The following SUPT3H variants were observed in gnomAD, a reference collection of about 807,000 sequenced individuals.
SUPT3H encodes the protein transcription initiation protein SPT3 homolog.
In SUPT3H, 44 loss-of-function variants were observed where a neutral mutation model predicts 44.3. The ratio of observed to expected loss-of-function variants is 0.99; its 90% confidence interval spans 0.78 to 1.28. SUPT3H has a LOEUF of 1.28. Ranked by LOEUF, SUPT3H falls within the 50% of genes most tolerant of loss-of-function variation. The pLI is 0.00. For missense variants in SUPT3H, 380 were observed against 387.1 expected (o/e 0.98, Z 0.15); for synonymous variants, 124 against 125.6 (o/e 0.99, Z 0.09).
intron 2 of SUPT3H, among the ~76,000 whole-genome samples, chr6:45,230,200 T>C (rs938822215): frequency 2.6e-5 from 4 of 152,228 alleles, no homozygotes; most frequent in Non-Finnish European, 5.9e-5. Context: ...CACAGGATTC[T>C]GCAGTTAGTG....
intron 2 of SUPT3H, among the ~76,000 whole-genome samples, chr6:45,119,365 T>C (rs1197182877): frequency 6.6e-6 from 1 of 152,154 alleles, no homozygotes; most frequent in Non-Finnish European, 1.5e-5. Flanking sequence ...AAGATGCCAG[T>C]TGTATGTGGG....
chr6:45,045,990 C>T (rs1454394622), intron 3 of SUPT3H, among the ~76,000 whole-genome samples: 2 of 152,092 alleles, frequency 1.3e-5, no homozygotes, highest in Non-Finnish European at 2.9e-5. Flanking sequence ...GTCTGTCTAA[C>T]TGAGGTCATG....
intron 2 of SUPT3H, among the ~76,000 whole-genome samples, chr6:45,255,149 G>A (rs1393085509): frequency 1.3e-5 from 2 of 151,994 alleles, no homozygotes; most frequent in Non-Finnish European, 2.9e-5. Flanking sequence ...CTTTATCAAA[G>A]GTATATCTGT....
At chr6:44,920,261 C>T (rs922159695) in intron 10 of SUPT3H, among the ~76,000 whole-genome samples, 1 of 151,706 alleles carries the variant, frequency 6.6e-6, no homozygotes, top group Admixed American at 6.6e-5. Context: ...TCCTTAATGA[C>T]TATGTCTGTT....
chr6:45,185,039 A>C (rs2153615273), intron 2 of SUPT3H, among the ~76,000 whole-genome samples: 1 of 152,272 alleles, frequency 6.6e-6, no homozygotes, highest in East Asian at 1.9e-4. Flanking sequence ...TTGGCAGGCT[A>C]ATTTTCCATC....
chr6:45,140,825 T>G (rs766902343), intron 2 of SUPT3H, among the ~76,000 whole-genome samples: 3 of 152,064 alleles, frequency 2.0e-5, no homozygotes, highest in Non-Finnish European at 4.4e-5. Context: ...AGTCTGACTC[T>G]CAGGAAGCCC....
intron 10 of SUPT3H, among the ~76,000 whole-genome samples, chr6:44,905,880 T>C (rs1315040590): frequency 6.6e-6 from 1 of 152,146 alleles, no homozygotes; most frequent in Non-Finnish European, 1.5e-5. Flanking sequence ...TGTAGGGACA[T>C]GGATGAAGCT....
chr6:45,334,769 T>A (rs1394000022), intron 2 of SUPT3H, among the ~76,000 whole-genome samples: 2 of 147,222 alleles, frequency 1.4e-5, no homozygotes, highest in East Asian at 1.9e-4. Flanking sequence ...AGGAAAAAAA[T>A]TGTAAATTAT....
intron 3 of SUPT3H, among the ~76,000 whole-genome samples, chr6:45,093,041 C>A: frequency 6.6e-6 from 1 of 152,052 alleles, no homozygotes; most frequent in South Asian, 2.1e-4. Flanking sequence ...TAAAATAACA[C>A]CCCTAATAAA....
intron 2 of SUPT3H, among the ~76,000 whole-genome samples, chr6:45,193,209 CA>C (rs1815431138): frequency 2.0e-5 from 3 of 151,598 alleles, no homozygotes; most frequent in Non-Finnish European, 4.4e-5. Context: ...ACATGTACAC[CA>C]AAAAAACCCC....
At chr6:45,118,728 C>G (rs1801185308) in intron 2 of SUPT3H, among the ~76,000 whole-genome samples, 1 of 152,146 alleles carries the variant, frequency 6.6e-6, no homozygotes, top group South Asian at 2.1e-4. Flanking sequence ...ATTTGCTGCT[C>G]TAAGGCATAT....
intron 11 of SUPT3H, among the ~76,000 whole-genome samples, chr6:44,817,246 A>C (rs1164214118): frequency 6.6e-6 from 1 of 151,974 alleles, no homozygotes; most frequent in African/African-American, 2.4e-5. Flanking sequence ...AAAAAAAAAA[A>C]CTCATTGTCT....
At position 45,087,130 on chromosome 6, in the gene SUPT3H, T is replaced by G. The variant is rs145782572; in HGVS notation, c.186+18792A>C. The stretch of plus-strand genomic sequence containing the variant: ...CATAAAGCATAGCAAATTTTTACTT[T>G]TAAGAATATATATTTTGAAGAAAAT... On this transcript the variant is annotated intron_variant, in intron 3 of 10. Coordinates refer to ENST00000371459, the MANE Select transcript of SUPT3H (RefSeq NM_003599.4). Among the ~76,000 whole-genome samples the G allele has an allele frequency of 2.1e-3, 325 of 152,116 alleles. 1 individual carries two copies. The highest frequency in any genetic ancestry group is 7.5e-3 in the African/African-American group (311 of 41,584).
chr6:45,075,346 G>A, intron 3 of SUPT3H, among the ~76,000 whole-genome samples: 1 of 151,988 alleles, frequency 6.6e-6, no homozygotes, highest in East Asian at 1.9e-4. Context: ...ACACTATATT[G>A]AATCACCAGA....
rs531224583 is a variant in SUPT3H, at chr6:45,179,622, A to C, written c.102-73616T>G. Reference sequence around the variant, plus strand: ...CCAGCATATCAACGGAACCAAAGACAAAAACCACATGATTATCTCAATAGA... The same window carrying C: ...CCAGCATATCAACGGAACCAAAGACCAAAACCACATGATTATCTCAATAGA... On this transcript the variant is annotated intron_variant, in intron 2 of 10. Transcript: ENST00000371459. Among the ~76,000 whole-genome samples, 211 of 152,336 alleles carry C rather than the reference A, an allele frequency of 1.4e-3. 3 individuals are homozygous for C. Among genetic ancestry groups the C allele is most frequent in the African/African-American group, 4.9e-3 (205 of 41,576 alleles).
chr6:45,009,470 A>C (rs1310963553), intron 5 of SUPT3H, among the ~76,000 whole-genome samples: 1 of 152,148 alleles, frequency 6.6e-6, no homozygotes, highest in Non-Finnish European at 1.5e-5. Context: ...TCTATGATCC[A>C]TATTGGGTTA....
chr6:45,158,275 C>CATAT (rs70996305), intron 2 of SUPT3H, among the ~76,000 whole-genome samples: 25 of 62,166 alleles, frequency 4.0e-4, no homozygotes, highest in Admixed American at 1.1e-3. Flanking sequence ...TATAAATATA[C>CATAT]ATATATATAT....
chr6:44,816,639 T>A (rs1766930458), intron 11 of SUPT3H, among the ~76,000 whole-genome samples: 1 of 152,190 alleles, frequency 6.6e-6, no homozygotes, highest in Non-Finnish European at 1.5e-5. Flanking sequence ...CCCAAACTCA[T>A]TTTATGAGCC....
chr6:45,364,638 G>T (rs1475066834), intron 2 of SUPT3H, among the ~76,000 whole-genome samples: 1 of 152,128 alleles, frequency 6.6e-6, no homozygotes, highest in East Asian at 1.9e-4. Flanking sequence ...AAATCAAGAT[G>T]AACAGAGCCT....
Sources: allele counts gnomAD v4.1 joint callset (sites outside exome capture counted in the v4.1 genomes callset), GRCh38; gene constraint gnomAD v4.1.1; transcripts MANE v1.5; gene names NCBI Gene and HGNC (gene_info 2026-07-23, HGNC 2026-07-21).